Variants in WWOX observed in about 807,000 individuals in gnomAD.
WWOX encodes WW domain containing oxidoreductase.
A neutral mutation model predicts 46.2 loss-of-function variants in WWOX; 69 were observed. That is an observed-to-expected ratio of 1.49 (90% CI 1.23 to 1.82). The LOEUF is 1.82. WWOX is among the 40% of genes most tolerant of loss of function. WWOX has a pLI of 0.00. For missense variants in WWOX, 919 were observed against 542.6 expected (o/e 1.69, Z -6.89); for synonymous variants, 359 against 202.6 (o/e 1.77, Z -6.56).
At chr16:78,707,039 A>T (rs2142311871) in intron 8 of WWOX, among the ~76,000 whole-genome samples, 1 of 152,348 alleles carries the variant, frequency 6.6e-6, no homozygotes, top group East Asian at 1.9e-4. Context: ...ACCATGGAAT[A>T]TTTTAAGCAG....
At chr16:78,869,718 C>T (rs898622556) in intron 8 of WWOX, among the ~76,000 whole-genome samples, 2 of 152,196 alleles carry the variant, frequency 1.3e-5, no homozygotes, top group Non-Finnish European at 2.9e-5. Context: ...TGAGCAAGAG[C>T]TGCTGAGTTG....
At chr16:78,729,886 T>A (rs1365052377) in intron 8 of WWOX, among the ~76,000 whole-genome samples, 2 of 152,142 alleles carry the variant, frequency 1.3e-5, no homozygotes, top group Admixed American at 1.3e-4. Context: ...CCCACAGGGC[T>A]CTATTTAGAT....
chr16:78,686,714 C>G (rs550679520), intron 8 of WWOX, among the ~76,000 whole-genome samples: 1 of 152,228 alleles, frequency 6.6e-6, no homozygotes, highest in South Asian at 2.1e-4. Context: ...TTAGGAAAGG[C>G]CCAGTAGGCA....
intron 8 of WWOX, among the ~76,000 whole-genome samples, chr16:79,086,472 A>G (rs1324176371): frequency 6.6e-6 from 1 of 152,226 alleles, no homozygotes; most frequent in Non-Finnish European, 1.5e-5. Flanking sequence ...AGATTAACTT[A>G]TCAAAACTTG....
At chr16:78,136,471 C>G (rs759295874) in intron 4 of WWOX, among the ~76,000 whole-genome samples, 1 of 151,980 alleles carries the variant, frequency 6.6e-6, no homozygotes, top group African/African-American at 2.4e-5. Flanking sequence ...TGGATCTAGT[C>G]TTCATCATGG....
intron 8 of WWOX, among the ~76,000 whole-genome samples, chr16:78,570,197 AG>A (rs2044678936): frequency 6.6e-6 from 1 of 152,190 alleles, no homozygotes; most frequent in Non-Finnish European, 1.5e-5. Flanking sequence ...GAAACTAGTG[AG>A]GTGGAAATAA....
chr16:78,538,336 G>A (rs1333638436), intron 8 of WWOX, among the ~76,000 whole-genome samples: 2 of 151,554 alleles, frequency 1.3e-5, no homozygotes, highest in African/African-American at 2.4e-5. Context: ...ATCTAGGCAC[G>A]GCTGCCAGCG....
chr16:78,728,433 G>C (rs1038749523), intron 8 of WWOX, among the ~76,000 whole-genome samples: 1 of 152,128 alleles, frequency 6.6e-6, no homozygotes, highest in Non-Finnish European at 1.5e-5. Context: ...GTGGCGTTGT[G>C]CTACATTTCT....
intron 8 of WWOX, among the ~76,000 whole-genome samples, chr16:78,788,325 C>T (rs2550591): frequency 6.6e-6 from 1 of 152,150 alleles, no homozygotes; most frequent in East Asian, 1.9e-4. Context: ...ACAATATTGC[C>T]TGTGTTAGGC....
rs114122461 is a variant in WWOX, at chr16:78,950,812, C to T, written c.1057-260796C>T. ...ACTTTGGAAAACTTGAAGGTTGGCACCTTTGGGGAAAACCAGACTTTTGAA... is the reference window on the plus strand; with the variant it reads ...ACTTTGGAAAACTTGAAGGTTGGCATCTTTGGGGAAAACCAGACTTTTGAA... On this transcript the variant is annotated intron_variant, in intron 8 of 8. Coordinates refer to ENST00000566780, the MANE Select transcript of WWOX (RefSeq NM_016373.4). 7.9e-3 allele frequency among the ~76,000 whole-genome samples: 1,200 copies of T among 152,194 alleles called. 15 individuals are homozygous for T. The highest frequency in any genetic ancestry group is 0.027 in the African/African-American group (1,138 of 41,520).
At chr16:78,367,256 G>T (rs1428220723) in intron 5 of WWOX, among the ~76,000 whole-genome samples, 2 of 152,088 alleles carry the variant, frequency 1.3e-5, no homozygotes, top group Non-Finnish European at 2.9e-5. Context: ...TGGGATTACA[G>T]GCGTGAGCCA....
intron 8 of WWOX, among the ~76,000 whole-genome samples, chr16:78,883,406 T>C (rs910583525): frequency 6.6e-6 from 1 of 152,204 alleles, no homozygotes; most frequent in Non-Finnish European, 1.5e-5. Flanking sequence ...TGTCATTTAC[T>C]TAATAGTAAC....
intron 8 of WWOX, among the ~76,000 whole-genome samples, chr16:78,677,545 G>C (rs188688861): frequency 5.9e-5 from 9 of 152,270 alleles, no homozygotes; most frequent in Admixed American, 2.6e-4. Flanking sequence ...TGCTCTAGGA[G>C]GAATAGTTAT....
chr16:78,422,792 C>G (rs1426915335), intron 6 of WWOX, among the ~76,000 whole-genome samples: 8 of 120,666 alleles, frequency 6.6e-5, no homozygotes, highest in African/African-American at 1.9e-4. Context: ...TATACACACA[C>G]ACATATATAT....
intron 8 of WWOX, among the ~76,000 whole-genome samples, chr16:79,201,896 C>T (rs74193807): frequency 6.6e-6 from 1 of 152,058 alleles, no homozygotes; most frequent in Non-Finnish European, 1.5e-5. Context: ...ATGACACTTG[C>T]AGGAAAAAGA....
intron 5 of WWOX, among the ~76,000 whole-genome samples, chr16:78,175,105 G>C (rs61110577): frequency 6.6e-6 from 1 of 151,992 alleles, no homozygotes; most frequent in Non-Finnish European, 1.5e-5. Flanking sequence ...TCCGTAGAGG[G>C]CAGAAAGGTG....
At chr16:78,198,642 T>A (rs963033672) in intron 5 of WWOX, among the ~76,000 whole-genome samples, 3 of 152,222 alleles carry the variant, frequency 2.0e-5, no homozygotes, top group Non-Finnish European at 4.4e-5. Flanking sequence ...CAGCTGTTGA[T>A]TTCAGGCACT....
At chr16:79,186,745 C>T (rs1262936319) in intron 8 of WWOX, among the ~76,000 whole-genome samples, 1 of 151,994 alleles carries the variant, frequency 6.6e-6, no homozygotes, top group Non-Finnish European at 1.5e-5. Context: ...ATACTTGGGA[C>T]ATTAGTCTGG....
chr16:78,470,583 G>A (rs1246882660), intron 8 of WWOX, among the ~76,000 whole-genome samples: 1 of 152,130 alleles, frequency 6.6e-6, no homozygotes, highest in Non-Finnish European at 1.5e-5. Context: ...AGGCTGGAGT[G>A]CAATGGCACC....
Sources: gnomAD v4.1 joint callset for allele counts (sites outside exome capture counted in the v4.1 genomes callset) on GRCh38, gnomAD v4.1.1 for gene constraint, MANE v1.5 for transcripts, NCBI Gene and HGNC (gene_info 2026-07-23, HGNC 2026-07-21) for gene names.